FNDC3B: variants seen among roughly 807,000 people sequenced by gnomAD.
FNDC3B encodes fibronectin type III domain-containing protein 3B.
In FNDC3B, 12 loss-of-function variants were observed where a neutral mutation model predicts 151.5. The observed-to-expected ratio is 0.08, with a 90% CI of 0.05 to 0.13. The LOEUF (loss-of-function observed/expected upper bound fraction) is 0.13, where lower values mean the gene tolerates loss of function less well. Ranked by LOEUF, FNDC3B falls within the 10% of genes least tolerant of loss-of-function variation. The pLI, the probability that FNDC3B is intolerant of heterozygous loss-of-function variation, is 1.00. For synonymous variants in FNDC3B, 528 were observed against 549.0 expected (o/e 0.96, Z 0.54); for missense variants, 1,214 against 1,505.3 (o/e 0.81, Z 3.20).
intron 3 of FNDC3B, among the ~76,000 whole-genome samples, chr3:172,168,629 T>A (rs1723125782): frequency 6.6e-6 from 1 of 152,188 alleles, no homozygotes. Flanking sequence ...CTTCCTGTTA[T>A]TTCAAGTGTT....
intron 4 of FNDC3B, chr3:172,227,280 AG>A (rs1172767799): frequency 5.0e-6 from 1 of 198,462 alleles, no homozygotes; most frequent in Non-Finnish European, 1.0e-5. Context: ...GAAAATTCAT[AG>A]ATGTAGTTAG....
chr3:172,378,119 C>T (rs566089090), intron 23 of FNDC3B, 151 bp from the exon 24 acceptor site: 35 of 572,786 alleles, frequency 6.1e-5, no homozygotes, highest in Non-Finnish European at 1.0e-4. Flanking sequence ...TTAAGCTTAA[C>T]CCTAATGTAG....
chr3:172,255,096 C>G (rs1728262501), intron 6 of FNDC3B, among the ~76,000 whole-genome samples: 1 of 152,180 alleles, frequency 6.6e-6, no homozygotes, highest in South Asian at 2.1e-4. Context: ...GTAGGCATCT[C>G]TCTACTCTCC....
At chr3:172,213,664 G>T (rs1349221287) in intron 3 of FNDC3B, among the ~76,000 whole-genome samples, 2 of 152,124 alleles carry the variant, frequency 1.3e-5, no homozygotes, top group Non-Finnish European at 2.9e-5. Context: ...GTGATTACCT[G>T]GTAATTTTGC....
At chr3:172,071,579 AT>A (rs969245977) in intron 1 of FNDC3B, among the ~76,000 whole-genome samples, 1 of 151,716 alleles carries the variant, frequency 6.6e-6, no homozygotes, top group Non-Finnish European at 1.5e-5. Flanking sequence ...ATCAGAATTA[AT>A]TTTTTTTTAT....
chr3:172,247,757 C>T lies in FNDC3B; in HGVS notation c.489C>T (p.His163=), dbSNP rs1403635331. The change falls in exon 5 of 26, where the codon CAC becomes CAT. Residue 163 remains histidine, a synonymous_variant. Transcript: ENST00000415807. The part of the protein sequence containing the change: ...PQFFPQHHLP[H]TIYGEQEIIP... ...TTTTTCCCCAGCATCATCTTCCCCA[C>T]ACAATATATGGTGAGCAAGGTGAGT... is the stretch of plus-strand genomic sequence containing the variant. 10 of 1,614,152 alleles carry T rather than the reference C, an allele frequency of 6.2e-6. No homozygotes were observed. Among genetic ancestry groups the T allele is most frequent in the Non-Finnish European group, 5.1e-6 (6 of 1,180,028 alleles).
At chr3:172,261,147 A>G (rs536931530) in intron 6 of FNDC3B, among the ~76,000 whole-genome samples, 1 of 152,310 alleles carries the variant, frequency 6.6e-6, no homozygotes, top group Admixed American at 6.5e-5. Context: ...TGTGGGCTGC[A>G]TAGACCTGCC....
At chr3:172,376,191 CAG>C (rs1269447176) in intron 23 of FNDC3B, among the ~76,000 whole-genome samples, 1 of 152,120 alleles carries the variant, frequency 6.6e-6, no homozygotes, top group Non-Finnish European at 1.5e-5. Context: ...AGTCTAGAAA[CAG>C]AAGATTTTGA....
intron 3 of FNDC3B, among the ~76,000 whole-genome samples, chr3:172,185,053 A>C (rs1724098976): frequency 6.6e-6 from 1 of 152,140 alleles, no homozygotes; most frequent in Non-Finnish European, 1.5e-5. Context: ...TTTTTTCAAG[A>C]GGGTAGATGA....
intron 10 of FNDC3B, among the ~76,000 whole-genome samples, chr3:172,309,344 A>C (rs1279219122): frequency 6.6e-6 from 1 of 152,216 alleles, no homozygotes; most frequent in Non-Finnish European, 1.5e-5. Flanking sequence ...CACAGGAGAT[A>C]AGGCAAAACA....
At chr3:172,090,449 C>G (rs1268433718) in intron 1 of FNDC3B, among the ~76,000 whole-genome samples, 2 of 151,970 alleles carry the variant, frequency 1.3e-5, no homozygotes, top group Non-Finnish European at 2.9e-5. Context: ...AACAAACAAA[C>G]AAACAGGGAG....
At chr3:172,123,181 G>A (rs1576885336) in intron 2 of FNDC3B, among the ~76,000 whole-genome samples, 1 of 152,118 alleles carries the variant, frequency 6.6e-6, no homozygotes, top group South Asian at 2.1e-4. Context: ...TGGGACTATA[G>A]GCATGCACCA....
chr3:172,259,189 T>C (rs1728519918), intron 6 of FNDC3B, among the ~76,000 whole-genome samples: 2 of 152,240 alleles, frequency 1.3e-5, no homozygotes, highest in Admixed American at 1.3e-4. Context: ...AATTCATCCA[T>C]CTGGCTGCCA....
At chr3:172,077,152 T>TA (rs891921770) in intron 1 of FNDC3B, among the ~76,000 whole-genome samples, 7 of 151,342 alleles carry the variant, frequency 4.6e-5, no homozygotes, top group South Asian at 2.1e-4. Context: ...ATAAATTGGT[T>TA]AAAAAAAATA....
intron 16 of FNDC3B, among the ~76,000 whole-genome samples, chr3:172,338,805 C>T (rs753285537): frequency 2.0e-5 from 3 of 152,168 alleles, no homozygotes; most frequent in Non-Finnish European, 1.5e-5. Context: ...GGCGTGATCT[C>T]GGCTCACTGC....
intron 1 of FNDC3B, among the ~76,000 whole-genome samples, chr3:172,056,262 T>C (rs1008939366): frequency 6.6e-6 from 1 of 152,166 alleles, no homozygotes; most frequent in Non-Finnish European, 1.5e-5. Flanking sequence ...TATTTGTATA[T>C]CTTCAGTAAG....
chr3:172,125,386 T>C (rs1161163931), intron 2 of FNDC3B, among the ~76,000 whole-genome samples: 1 of 152,108 alleles, frequency 6.6e-6, no homozygotes, highest in Non-Finnish European at 1.5e-5. Context: ...TTTCTTGAGA[T>C]TGGCAGTAGG....
rs1728076863 is a variant in FNDC3B, at chr3:172,251,504, A to G, written c.753A>G (p.Ala251=). ...GAATTAAGAAAACAGAGCGACGAGC[A>G]AGAAGCAGCCCAAAGTCGAATGATT... The part of the protein sequence containing the change: ...GPGIKKTERR[A]RSSPKSNDSD... Residue 251 remains alanine (A), a synonymous_variant, in exon 6 of 26, where the codon GCA becomes GCG. Transcript: ENST00000415807. 3 of 1,613,986 alleles carry G rather than the reference A, an allele frequency of 1.9e-6. No individual in the cohort carries two copies. Among genetic ancestry groups the G allele is most frequent in the Middle Eastern group, 1.7e-4 (1 of 6,060 alleles).
At chr3:172,388,555 A>G (rs934001927) in intron 25 of FNDC3B, among the ~76,000 whole-genome samples, 6 of 152,244 alleles carry the variant, frequency 3.9e-5, no homozygotes, top group Non-Finnish European at 7.3e-5. Context: ...ATGAATGAAA[A>G]CAAAGGGACA....
Sources: gnomAD v4.1 joint callset for allele counts (sites outside exome capture counted in the v4.1 genomes callset) on GRCh38, gnomAD v4.1.1 for gene constraint, MANE v1.5 for transcripts, NCBI Gene and HGNC (gene_info 2026-07-23, HGNC 2026-07-21) for gene names.